The following ANKS1B variants were observed in gnomAD, a reference collection of about 807,000 sequenced individuals.
ANKS1B encodes ankyrin repeat and sterile alpha motif domain containing 1B, also known as ankyrin repeat and sterile alpha motif domain-containing protein 1B.
A neutral mutation model predicts 148.3 loss-of-function variants in ANKS1B; 36 were observed. That is an observed-to-expected ratio of 0.24 (90% confidence interval 0.19 to 0.32). The LOEUF (loss-of-function observed/expected upper bound fraction) is 0.32. Among genes scored for constraint, ANKS1B ranks in the 10% least tolerant of loss-of-function variants. The pLI is 1.00. For missense variants in ANKS1B, 1,157 were observed against 1,542.6 expected (o/e 0.75, Z 4.19); for synonymous variants, 542 against 560.8 (o/e 0.97, Z 0.47).
chr12:99,471,956 G>A (rs2152905969), intron 10 of ANKS1B, among the ~76,000 whole-genome samples: 1 of 152,200 alleles, frequency 6.6e-6, no homozygotes, highest in Middle Eastern at 3.4e-3. Context: ...CTTATTAAAT[G>A]CCCTTAGAAT....
At chr12:98,743,828 G>A (rs1053084273), downstream of ANKS1B, 5 of 213,620 alleles carry the variant, frequency 2.3e-5, no homozygotes, top group Non-Finnish European at 4.0e-5. Flanking sequence ...TCTCAGACTG[G>A]TTGAACTTGG....
intron 12 of ANKS1B, among the ~76,000 whole-genome samples, chr12:99,263,414 C>T (rs755383571): frequency 6.6e-6 from 1 of 151,842 alleles, no homozygotes; most frequent in Admixed American, 6.6e-5. Context: ...ATATTGAGAA[C>T]AATTAGTTGA....
chr12:98,743,926 C>A (rs1305597426), downstream of ANKS1B: 46 of 889,532 alleles, frequency 5.2e-5, no homozygotes, highest in Non-Finnish European at 5.9e-5. Context: ...TGGTTCTGCT[C>A]CTAAATGGGA....
At position 99,499,220 on chromosome 12, in the gene ANKS1B, A is replaced by G. The variant is rs115694708; in HGVS notation, c.1438+5256T>C. 2.0e-3 allele frequency among the ~76,000 whole-genome samples: 299 copies of G among 152,240 alleles called. 1 individual carries two copies. The highest frequency in any genetic ancestry group is 6.8e-3 in the African/African-American group (283 of 41,534). On this transcript the variant is annotated intron_variant, in intron 10 of 26. Transcript: ENST00000683438. Reference sequence around the variant, plus strand: ...TTCTAATCATTTTTTAAAAACCACAAAATTTCCCTTTAAATTCTGGACTCC... The same window carrying G: ...TTCTAATCATTTTTTAAAAACCACAGAATTTCCCTTTAAATTCTGGACTCC...
At chr12:98,748,665 C>A (rs1484009305) in intron 26 of ANKS1B, among the ~76,000 whole-genome samples, 2 of 152,222 alleles carry the variant, frequency 1.3e-5, no homozygotes, top group African/African-American at 4.8e-5. Flanking sequence ...ATGCCTGGGG[C>A]TGAAGGAACT....
At chr12:99,814,531 G>A (rs1288832779) in intron 2 of ANKS1B, among the ~76,000 whole-genome samples, 3 of 151,686 alleles carry the variant, frequency 2.0e-5, no homozygotes, top group Non-Finnish European at 4.4e-5. Context: ...CCAAGCAAGG[G>A]TTGTTATATA....
At chr12:99,716,246 C>T (rs2057314139) in intron 8 of ANKS1B, among the ~76,000 whole-genome samples, 1 of 151,942 alleles carries the variant, frequency 6.6e-6, no homozygotes, top group Admixed American at 6.6e-5. Context: ...TATTTCCATG[C>T]CCTGACCTCT....
chr12:99,163,392 A>G (rs1364691898), intron 14 of ANKS1B, among the ~76,000 whole-genome samples: 1 of 152,032 alleles, frequency 6.6e-6, no homozygotes, highest in African/African-American at 2.4e-5. Context: ...ACAGTATCAC[A>G]ATATCACAGC....
chr12:99,162,223 G>C (rs1041749103), intron 14 of ANKS1B, among the ~76,000 whole-genome samples: 1 of 152,118 alleles, frequency 6.6e-6, no homozygotes, highest in African/African-American at 2.4e-5. Flanking sequence ...TCTTTTTAGA[G>C]TGACGAAAAT....
rs113273508 is a variant in ANKS1B at position 98,737,541 on chromosome 12, A to G, written c.691-1907T>C. 4.4e-3 allele frequency among the ~76,000 whole-genome samples: 666 copies of G among 152,308 alleles called. 7 individuals carry two copies. The highest frequency in any genetic ancestry group is 0.015 in the African/African-American group (632 of 41,552). ...ACTGTATAGAGTCTAACATGAGCCT[A>G]GCATTGCAATGAGGGCCTCAGTAAA... On this transcript the variant is annotated intron_variant, in intron 9 of 9. Transcript: ENST00000341752.
At chr12:99,700,644 C>G (rs1320412669) in intron 8 of ANKS1B, among the ~76,000 whole-genome samples, 1 of 152,074 alleles carries the variant, frequency 6.6e-6, no homozygotes, top group Admixed American at 6.6e-5. Flanking sequence ...CACTTTACAG[C>G]TTCTCCTTAG....
chr12:99,073,557 G>A (rs1253809461), intron 16 of ANKS1B, among the ~76,000 whole-genome samples: 1 of 152,162 alleles, frequency 6.6e-6, no homozygotes, highest in African/African-American at 2.4e-5. Context: ...CTGCTGGACA[G>A]CTCACATGGC....
chr12:99,869,153 G>GT (rs1318882429), intron 1 of ANKS1B, among the ~76,000 whole-genome samples: 1 of 152,056 alleles, frequency 6.6e-6, no homozygotes, highest in Admixed American at 6.6e-5. Flanking sequence ...TCTCCAAATT[G>GT]TTCTATAGAT....
chr12:99,099,854 G>C (rs2057443462), intron 15 of ANKS1B: 1 of 151,972 alleles, frequency 6.6e-6, no homozygotes, highest in Admixed American at 6.6e-5. Context: ...CAAAAGGAAG[G>C]AAAAAGGTTT....
At chr12:99,968,598 G>A (rs1352279406) in intron 1 of ANKS1B, among the ~76,000 whole-genome samples, 2 of 151,938 alleles carry the variant, frequency 1.3e-5, no homozygotes, top group African/African-American at 2.4e-5. Flanking sequence ...TCAATGCTGT[G>A]GTGAACACTG....
At chr12:99,163,365 T>C (rs1204891123) in intron 14 of ANKS1B, among the ~76,000 whole-genome samples, 2 of 152,092 alleles carry the variant, frequency 1.3e-5, no homozygotes, top group African/African-American at 4.8e-5. Context: ...AGTTGTGACA[T>C]CCTGTATGAC....
chr12:99,375,398 G>A (rs1450554255), intron 12 of ANKS1B, among the ~76,000 whole-genome samples: 1 of 152,158 alleles, frequency 6.6e-6, no homozygotes, highest in East Asian at 1.9e-4. Flanking sequence ...CACCTCTCAG[G>A]TCTGTCCCTT....
intron 1 of ANKS1B, among the ~76,000 whole-genome samples, chr12:99,964,617 C>A (rs536802995): frequency 1.3e-5 from 2 of 152,288 alleles, no homozygotes; most frequent in South Asian, 4.1e-4. Context: ...AGAACCCACA[C>A]AGGGTGAAGA....
At chr12:99,498,406 T>C (rs11109871) in intron 10 of ANKS1B, among the ~76,000 whole-genome samples, 36,955 of 152,046 alleles carry the variant, frequency 0.24, 5,012 homozygotes, top group African/African-American at 0.37. Flanking sequence ...TCTTTCACCC[T>C]CTCTGCATCT....
Sources: gnomAD v4.1 joint callset for allele counts (sites outside exome capture counted in the v4.1 genomes callset) on GRCh38, gnomAD v4.1.1 for gene constraint, MANE v1.5 for transcripts, NCBI Gene and HGNC (gene_info 2026-07-23, HGNC 2026-07-21) for gene names.